The following GTF3C2 variants were observed in gnomAD, a reference collection of about 807,000 sequenced individuals.
GTF3C2 encodes general transcription factor IIIC subunit 2.
GTF3C2 carries 17 observed loss-of-function variants against 117.4 expected under a neutral mutation model. The observed-to-expected ratio is 0.14, with a 90% CI of 0.10 to 0.22. GTF3C2 has a LOEUF of 0.22. Among genes scored for constraint, GTF3C2 ranks in the 10% least tolerant of loss-of-function variants. The pLI is 1.00. For synonymous variants in GTF3C2, 437 were observed against 427.0 expected (o/e 1.02, Z -0.29); for missense variants, 888 against 1,143.6 (o/e 0.78, Z 3.22).
intron 1 of GTF3C2, 198 bp downstream of exon 1, chr2:27,356,541 G>A (rs1316952147): frequency 4.7e-6 from 1 of 213,336 alleles, no homozygotes; most frequent in Non-Finnish European, 1.0e-5. Flanking sequence ...CAGAGATGGG[G>A]GGTGCACGGT....
At chr2:27,342,199 G>C (rs1243310636) in exon 4 of GTF3C2, 1 of 1,613,538 alleles carries the variant, frequency 6.2e-7, no homozygotes, top group Non-Finnish European at 8.5e-7. Flanking sequence ...GCTGTTGAGA[G>C]CTCTTCAGCC....
intron 1 of GTF3C2, among the ~76,000 whole-genome samples, chr2:27,344,616 G>A (rs866516381): frequency 5.9e-5 from 9 of 152,126 alleles, no homozygotes; most frequent in Non-Finnish European, 1.5e-5. Flanking sequence ...ACAAAATTTA[G>A]ACCAAAGTGA....
At chr2:27,356,383 G>T in intron 1 of GTF3C2, 1 of 275,874 alleles carries the variant, frequency 3.6e-6, no homozygotes, top group Non-Finnish European at 7.6e-6. Flanking sequence ...CCCCTAGCCT[G>T]TGCGGGAGAG....
intron 12 of GTF3C2, among the ~76,000 whole-genome samples, chr2:27,332,701 A>G (rs947369913): frequency 6.6e-6 from 1 of 151,870 alleles, no homozygotes; most frequent in African/African-American, 2.4e-5. Context: ...GGCGTGAGCC[A>G]CCGTGCCCGG....
chr2:27,353,123 T>C (rs1266131162), intron 1 of GTF3C2, among the ~76,000 whole-genome samples: 1 of 152,178 alleles, frequency 6.6e-6, no homozygotes, highest in Non-Finnish European at 1.5e-5. Flanking sequence ...GGCCGGGCGC[T>C]GTGGCTCATG....
chr2:27,341,701 T>C (rs186989268), intron 4 of GTF3C2: 122 of 498,312 alleles, frequency 2.4e-4, no homozygotes, highest in African/African-American at 2.0e-3. Flanking sequence ...CACTGTCTTA[T>C]TTACGTTTGT....
Position 27,326,912 on chromosome 2 carries a change from A to G in GTF3C2, c.2518-19T>C. ...AACGTACCTGTGAAGAGAACAGAAA[A>G]CAAGAGAGAGATGCTCATGGGTGGT... On this transcript the variant is annotated intron_variant, in intron 18 of 18. Coordinates refer to ENST00000264720, the Ensembl canonical transcript of GTF3C2. The G allele has an allele frequency of 6.5e-7, 1 of 1,530,088 alleles. No individual in the cohort carries two copies. Among genetic ancestry groups the G allele is most frequent in the Non-Finnish European group, 9.1e-7 (1 of 1,104,276 alleles). 94.8% of individuals were successfully genotyped at this position (1,530,088 alleles called of 1,614,324 possible). A position where few individuals can be genotyped will look rare whatever the true frequency, so the allele number is the denominator to read the frequency against.
intron 1 of GTF3C2, among the ~76,000 whole-genome samples, chr2:27,345,856 G>C (rs1249032861): frequency 6.6e-6 from 1 of 151,010 alleles, no homozygotes; most frequent in Admixed American, 6.6e-5. Context: ...TGGGACAACA[G>C]GTGCCCGCCA....
exon 8 of GTF3C2, chr2:27,336,272 G>A (rs1005506148): frequency 2.5e-6 from 4 of 1,614,100 alleles, no homozygotes; most frequent in Admixed American, 3.3e-5. Flanking sequence ...GGCTCAGTGG[G>A]TGTGTCTCAT....
rs1437827228 is a variant in GTF3C2 at position 27,356,432 on chromosome 2, C to G, written c.-25+307G>C. ...TCTAACAAGGACTACTGTAGGTTCG[C>G]CGAGTTCGAGGGACGCTACGTATGC... On this transcript the variant is annotated intron_variant, in intron 1 of 18. Transcript: ENST00000264720. 2.8e-5 allele frequency: 7 copies of G among 246,332 alleles called. No homozygotes were observed. The East Asian group carries it at 5.8e-4, about 20-fold the overall frequency. 15.3% of individuals were successfully genotyped at this position (246,332 alleles called of 1,614,324 possible). A position where few individuals can be genotyped will look rare whatever the true frequency, so the allele number is the denominator to read the frequency against.
chr2:27,332,372 T>C (rs1273963412), intron 12 of GTF3C2, among the ~76,000 whole-genome samples: 2 of 151,958 alleles, frequency 1.3e-5, no homozygotes, highest in African/African-American at 2.4e-5. Flanking sequence ...AAGAACTGCA[T>C]GAAATGATGT....
exon 16 of GTF3C2, chr2:27,328,490 T>C: frequency 2.5e-6 from 4 of 1,613,868 alleles, no homozygotes; most frequent in Non-Finnish European, 2.5e-6. Context: ...TACAGGTCGC[T>C]TGACATTTAT....
At chr2:27,326,735 G>A (rs758996734) in exon 19 of GTF3C2, 5 of 1,614,004 alleles carry the variant, frequency 3.1e-6, no homozygotes, top group African/African-American at 1.3e-5. Flanking sequence ...TAGTGGGGGA[G>A]GATGGTTGGA....
At chr2:27,327,923 G>T in intron 17 of GTF3C2, 114 bp downstream of exon 17, 1 of 816,966 alleles carries the variant, frequency 1.2e-6, no homozygotes, top group Non-Finnish European at 1.9e-6. Flanking sequence ...ACTGCACCTG[G>T]CCGAGGCTCC....
exon 5 of GTF3C2, chr2:27,337,934 G>C: frequency 1.3e-6 from 2 of 1,583,990 alleles, no homozygotes; most frequent in Non-Finnish European, 1.7e-6. Flanking sequence ...ACAAGTCCTT[G>C]GTGAGATGGA....
At position 27,329,414 on chromosome 2, in the gene GTF3C2, C is replaced by T. The variant is rs766504805; in HGVS notation, c.1842G>A (p.Gln614=). 8 of 1,614,148 alleles carry T rather than the reference C, an allele frequency of 5.0e-6. No homozygotes were observed. Among genetic ancestry groups the T allele is most frequent in the Non-Finnish European group, 5.9e-6 (7 of 1,180,032 alleles). ...TGCACCATTGAAGGGTACGCACAGC[C>T]TGGTCATGGGCTAGGAAACACTGGA... Residue 614 remains glutamine (Q), a synonymous_variant, in exon 13 of 19, where the codon CAG becomes CAA. Coordinates refer to ENST00000264720, the Ensembl canonical transcript of GTF3C2. This position sits in a 1 kb window ranked among gnomAD's most constrained non-coding sequence, Gnocchi z 4.5.
In GTF3C2 at chr2:27,355,982, A is replaced by G; in HGVS notation, c.-25+757T>C. The G allele has an allele frequency of 4.7e-6, 3 of 642,838 alleles. No individual in the cohort carries two copies. In the East Asian group the frequency reaches 2.0e-4, roughly 43 times the overall value. The allele number at this position is 642,838 out of a possible 1,614,324, so 39.8% of individuals were successfully genotyped here. On this transcript the variant is annotated intron_variant, in intron 1 of 18. Transcript: ENST00000264720. ...TAAGTAAGTCAATTTAAAGAGAACT[A>G]TTCAGAAAACAATAGTACAATTGAT...
At chr2:27,356,167 C>G in intron 1 of GTF3C2, 5 of 1,126,120 alleles carry the variant, frequency 4.4e-6, no homozygotes, top group Non-Finnish European at 6.0e-6. Flanking sequence ...AGGCAGCCAA[C>G]TTGCCACGGG....
At chr2:27,339,218 C>T (rs945719251) in intron 4 of GTF3C2, among the ~76,000 whole-genome samples, 3 of 151,860 alleles carry the variant, frequency 2.0e-5, no homozygotes, top group African/African-American at 7.2e-5. Flanking sequence ...ACCAGCCTAA[C>T]CAACACGGTG....
Sources: allele counts gnomAD v4.1 joint callset (sites outside exome capture counted in the v4.1 genomes callset), GRCh38; gene constraint gnomAD v4.1.1; non-coding constraint Gnocchi (gnomAD v3.1); transcripts MANE v1.5; gene names NCBI Gene and HGNC (gene_info 2026-07-23, HGNC 2026-07-21).